Variants in DCAF6 observed in about 807,000 individuals in gnomAD.
DCAF6 encodes the protein DDB1 and CUL4 associated factor 6, also known as DDB1- and CUL4-associated factor 6.
A neutral mutation model predicts 125.1 loss-of-function variants in DCAF6; 54 were observed. The observed-to-expected ratio is 0.43, with a 90% CI of 0.35 to 0.54. DCAF6 has a LOEUF of 0.54. DCAF6 is among the 20% of genes least tolerant of loss of function. The probability of loss-of-function intolerance (pLI) is 0.01; values close to 1 mark genes in which losing one functional copy is unlikely to be tolerated. For missense variants in DCAF6, 934 were observed against 1,161.7 expected (o/e 0.80, Z 2.85); for synonymous variants, 371 against 390.4 (o/e 0.95, Z 0.58).
the DCAF6 span, among the ~76,000 whole-genome samples, chr1:167,878,993 C>T: frequency 0.15 from 22,418 of 152,198 alleles, 1,955 homozygotes; most frequent in Middle Eastern, 0.24. Flanking sequence ...CAAGCACATG[C>T]TTGGGCCTGG....
chr1:167,880,306 C>T, the DCAF6 span: 1 of 1,099,686 alleles, frequency 9.1e-7, no homozygotes, highest in Non-Finnish European at 1.4e-6. Flanking sequence ...AGGATTTTCT[C>T]TACCCGTTGG....
intron 1 of DCAF6, among the ~76,000 whole-genome samples, chr1:167,947,442 C>T (rs543971771): frequency 4.6e-5 from 7 of 151,274 alleles, no homozygotes; most frequent in African/African-American, 1.7e-4. Flanking sequence ...TTTTCTGGTT[C>T]CTCGAGGTGC....
At chr1:167,975,555 C>G (rs996752128) in intron 4 of DCAF6, among the ~76,000 whole-genome samples, 1 of 152,128 alleles carries the variant, frequency 6.6e-6, no homozygotes, top group Admixed American at 6.6e-5. Context: ...ACTGAGTTCT[C>G]TTTTATTTAT....
chr1:167,891,668 A>AG, the DCAF6 span, among the ~76,000 whole-genome samples: 1 of 151,502 alleles, frequency 6.6e-6, no homozygotes, highest in East Asian at 2.0e-4. Flanking sequence ...AAAAAAAAAA[A>AG]AAAGAAAGAA....
intron 1 of DCAF6, among the ~76,000 whole-genome samples, chr1:167,939,888 C>T (rs1380339202): frequency 6.6e-6 from 1 of 152,174 alleles, no homozygotes. Flanking sequence ...AATATTTAAA[C>T]ATTACGATTG....
At chr1:167,909,845 C>G in the DCAF6 span, among the ~76,000 whole-genome samples, 8 of 152,304 alleles carry the variant, frequency 5.3e-5, no homozygotes, top group Middle Eastern at 3.4e-3. Context: ...CAGGCCATTT[C>G]TCTTACTGTC....
intron 7 of DCAF6, among the ~76,000 whole-genome samples, chr1:168,002,082 TC>T (rs1254697388): frequency 2.0e-5 from 3 of 152,128 alleles, no homozygotes; most frequent in Non-Finnish European, 4.4e-5. Context: ...TAATGATGGT[TC>T]CCATTGTTAA....
At chr1:167,999,537 C>G (rs1171198893) in intron 7 of DCAF6, among the ~76,000 whole-genome samples, 1 of 152,172 alleles carries the variant, frequency 6.6e-6, no homozygotes, top group Non-Finnish European at 1.5e-5. Flanking sequence ...AGGGTAGCCA[C>G]TTTGATCAAT....
intron 11 of DCAF6, among the ~76,000 whole-genome samples, chr1:168,022,656 G>A (rs1021457854): frequency 2.0e-5 from 3 of 147,130 alleles, no homozygotes; most frequent in Admixed American, 6.6e-5. Flanking sequence ...AGTTTGAGAA[G>A]GGCAAGGAGT....
chr1:168,051,511 C>T (rs1285159861), intron 17 of DCAF6, among the ~76,000 whole-genome samples: 3 of 152,192 alleles, frequency 2.0e-5, no homozygotes, highest in Non-Finnish European at 4.4e-5. Context: ...ACCTCAATGA[C>T]ATCAGTCACC....
At chr1:168,012,019 C>G (rs750508464) in intron 10 of DCAF6, among the ~76,000 whole-genome samples, 1 of 151,956 alleles carries the variant, frequency 6.6e-6, no homozygotes, top group Non-Finnish European at 1.5e-5. Context: ...AATATTAGGT[C>G]AATGGCCATT....
At chr1:167,959,595 C>G (rs1675274367) in intron 2 of DCAF6, among the ~76,000 whole-genome samples, 1 of 152,146 alleles carries the variant, frequency 6.6e-6, no homozygotes, top group Admixed American at 6.5e-5. Flanking sequence ...TTTGGCCATT[C>G]TAATAGATAT....
the DCAF6 span, chr1:167,918,397 T>C: frequency 3.0e-6 from 4 of 1,323,948 alleles, no homozygotes; most frequent in South Asian, 1.3e-5. Flanking sequence ...TCATCAATAA[T>C]AATAGACAAA....
At chr1:167,985,325 A>G (rs1239628106) in intron 4 of DCAF6, among the ~76,000 whole-genome samples, 1 of 152,184 alleles carries the variant, frequency 6.6e-6, no homozygotes, top group Non-Finnish European at 1.5e-5. Flanking sequence ...GTACTGGGCT[A>G]AAATCGAAGT....
At chr1:167,933,799 G>A (rs1047934843), upstream of DCAF6, among the ~76,000 whole-genome samples, 1 of 152,138 alleles carries the variant, frequency 6.6e-6, no homozygotes, top group Non-Finnish European at 1.5e-5. Flanking sequence ...CCTCCAACTT[G>A]TCGATCATAA....
At chr1:167,920,462 C>T in the DCAF6 span, 1 of 1,376,572 alleles carries the variant, frequency 7.3e-7, no homozygotes, top group South Asian at 1.3e-5. Flanking sequence ...ATTTCAAACA[C>T]TAAGCCACTA....
At chr1:168,020,905 A>G (rs1685589768) in intron 11 of DCAF6, among the ~76,000 whole-genome samples, 1 of 152,164 alleles carries the variant, frequency 6.6e-6, no homozygotes, top group Non-Finnish European at 1.5e-5. Context: ...GAATGAAAGC[A>G]GTGACCAGGA....
At chr1:167,955,908 C>T (rs933735449) in intron 2 of DCAF6, among the ~76,000 whole-genome samples, 1 of 152,064 alleles carries the variant, frequency 6.6e-6, no homozygotes, top group African/African-American at 2.4e-5. Context: ...ACCATAGGTG[C>T]ATGCCACCAC....
At chr1:167,916,880 G>T in the DCAF6 span, 3 of 152,290 alleles carry the variant, frequency 2.0e-5, no homozygotes, top group East Asian at 5.8e-4. Flanking sequence ...AGCAATAATA[G>T]TTTGACTCTT....
Sources: allele counts gnomAD v4.1 joint callset (sites outside exome capture counted in the v4.1 genomes callset), GRCh38; gene constraint gnomAD v4.1.1; transcripts MANE v1.5; gene names NCBI Gene and HGNC (gene_info 2026-07-23, HGNC 2026-07-21).